MED12: variants seen among roughly 807,000 people sequenced by gnomAD.
The protein encoded by MED12 is mediator of RNA polymerase II transcription subunit 12.
In MED12, 10 loss-of-function variants were observed where a neutral mutation model predicts 177.7. The ratio of observed to expected loss-of-function variants is 0.06; its 90% CI spans 0.03 to 0.10. The LOEUF (loss-of-function observed/expected upper bound fraction) is 0.10, where lower values mean the gene tolerates loss of function less well. Among genes scored for constraint, MED12 ranks in the 10% least tolerant of loss-of-function variants. The pLI is 1.00. For synonymous variants in MED12, 641 were observed against 678.4 expected (o/e 0.94, Z 0.86); for missense variants, 867 against 1,780.8 (o/e 0.49, Z 9.23).
Position 71,132,567 on chromosome X carries a change from T to C in MED12, c.4415+29T>C, listed in dbSNP as rs10521349. 331,045 of 1,162,723 alleles carry C rather than the reference T, an allele frequency of 0.28. 35,570 individuals carry two copies. Among genetic ancestry groups the C allele is most frequent in the Middle Eastern group, 0.41 (1,704 of 4,117 alleles). The stretch of plus-strand genomic sequence containing the variant: ...AAGGGGCTTAGGGAGTGGACCAAGA[T>C]TGAGGGGTAGAAAGGAGAAGAGGCA... On this transcript the variant is annotated intron_variant, in intron 31 of 44. Coordinates refer to ENST00000374080, the MANE Select transcript of MED12 (RefSeq NM_005120.3).
intron 1 of MED12, 61 bp from the exon 2 acceptor site, chrX:71,119,312 C>T (rs1328217385): frequency 1.2e-6 from 1 of 842,391 alleles, no homozygotes; most frequent in Admixed American, 2.6e-5. Flanking sequence ...CTGCCCTACT[C>T]TCCCACCCCT....
chrX:71,122,048 G>T, intron 7 of MED12, 152 bp from the exon 8 acceptor site: 1 of 878,142 alleles, frequency 1.1e-6, no homozygotes, highest in Non-Finnish European at 1.7e-6. Flanking sequence ...AGGAAAGTGA[G>T]TGAAGGGAGG....
chrX:71,126,382 T>G lies in MED12; in HGVS notation c.2583T>G (p.Leu861=). The stretch of plus-strand genomic sequence containing the variant: ...TGGAGCAGATCACGAGCTTTGCCCT[T>G]GGCATGTCATACCACTTGCCTCTGG... ...NVLEQITSFA[L]GMSYHLPLVQ... The change falls in exon 19 of 45, where the codon CTT becomes CTG. Residue 861 remains leucine, a synonymous_variant. Coordinates refer to ENST00000374080, the MANE Select transcript of MED12 (RefSeq NM_005120.3). 1 of 1,211,769 alleles carries G rather than the reference T, an allele frequency of 8.3e-7. No individual in the cohort carries two copies. Among genetic ancestry groups the G allele is most frequent in the Non-Finnish European group, 1.1e-6 (1 of 895,277 alleles).
chrX:71,118,690 C>T lies in MED12; in HGVS notation c.-65C>T. 4.6e-6 allele frequency: 5 copies of T among 1,080,690 alleles called. No homozygotes were observed. In the South Asian group the frequency reaches 7.8e-5, roughly 17 times the overall value. The allele number at this position is 1,080,690 out of a possible 1,213,427, so 89.1% of individuals were successfully genotyped here. On this transcript the variant is annotated 5_prime_UTR_variant, in exon 1 of 45. Coordinates refer to ENST00000374080, the MANE Select transcript of MED12 (RefSeq NM_005120.3). ...ACCGCCCCCCTTTTCGGCTCCCTCT[C>T]CCCCTTCCCGTTCCCCCAGTCAGCC...
chrX:71,121,534 A>C (rs751970722), intron 6 of MED12, 28 bp from the exon 7 acceptor site: 3 of 1,209,428 alleles, frequency 2.5e-6, no homozygotes, highest in Non-Finnish European at 3.4e-6. Flanking sequence ...GGAGAGAACT[A>C]GGGGCTCTGA....
At position 71,131,589 on chromosome X, in the gene MED12, C is replaced by T. The variant is rs2092317602; in HGVS notation, c.4087C>T (p.Leu1363=). The T allele has an allele frequency of 8.3e-6, 10 of 1,211,171 alleles. No individual in the cohort carries two copies. The highest frequency in any genetic ancestry group is 1.0e-5 in the Non-Finnish European group (9 of 895,322). Residue 1363 remains leucine (L), a synonymous_variant, in exon 29 of 45, where the codon CTG becomes TTG. Transcript: ENST00000374080. ...QWTMRQSSLE[L]QLMIKQTPNN... The stretch of plus-strand genomic sequence containing the variant: ...GACCATGCGCCAGTCTTCCTTGGAG[C>T]TGCAGCTCATGATCAAGCAGACCCC...
intron 39 of MED12, 86 bp downstream of exon 39, chrX:71,137,469 T>C (rs2092335596): frequency 1.7e-6 from 2 of 1,156,692 alleles, no homozygotes; most frequent in Non-Finnish European, 2.4e-6. Context: ...ACTTGGGATC[T>C]TCACAAGGAC....
At position 71,123,586 on chromosome X, in the gene MED12, T is replaced by C. The variant is rs1057522084; in HGVS notation, c.1618-8T>C. 1 of 1,211,309 alleles carries C rather than the reference T, an allele frequency of 8.3e-7. No homozygotes were observed. The highest frequency in any genetic ancestry group is 1.1e-6 in the Non-Finnish European group (1 of 895,265). Reference sequence around the variant, plus strand: ...GTCAGTTCTACAATTTGTTCTGTCATCTTGCAGCGTTGTGGAGAATCAGAA... The same window carrying C: ...GTCAGTTCTACAATTTGTTCTGTCACCTTGCAGCGTTGTGGAGAATCAGAA... On this transcript the variant is annotated splice_region_variant and splice_polypyrimidine_tract_variant and intron_variant, in intron 11 of 44. Coordinates refer to ENST00000374080, the MANE Select transcript of MED12 (RefSeq NM_005120.3).
intron 36 of MED12, 148 bp from the exon 37 acceptor site, chrX:71,136,133 T>C: frequency 1.5e-6 from 1 of 663,910 alleles, no homozygotes. Flanking sequence ...CTCTTCCGCA[T>C]GTATATGTGT....
At chrX:71,123,828 C>A in intron 12 of MED12, 108 bp downstream of exon 12, 1 of 867,852 alleles carries the variant, frequency 1.2e-6, no homozygotes, top group Non-Finnish European at 1.6e-6. Flanking sequence ...CTCTCTTGGG[C>A]TCTATGCAGA....
At position 71,132,974 on chromosome X, in the gene MED12, A is replaced by T. The variant is rs372687896; in HGVS notation, c.4527+18A>T. 6.1e-6 allele frequency: 7 copies of T among 1,143,476 alleles called. No individual in the cohort carries two copies. The highest frequency in any genetic ancestry group is 1.8e-5 in the African/African-American group (1 of 55,664). The allele number at this position is 1,143,476 out of a possible 1,213,427, so 94.2% of individuals were successfully genotyped here. A position where few individuals can be genotyped will look rare whatever the true frequency, so the allele number is the denominator to read the frequency against. On this transcript the variant is annotated intron_variant, in intron 32 of 44. Coordinates refer to ENST00000374080, the MANE Select transcript of MED12 (RefSeq NM_005120.3). ...TGCACCAGGTACAGATCTCTGGGCCATGGAGGTGGGCAGGAGGTCAGGGAA... is the reference window on the plus strand; with the variant it reads ...TGCACCAGGTACAGATCTCTGGGCCTTGGAGGTGGGCAGGAGGTCAGGGAA...
chrX:71,124,370 C>T lies in MED12; in HGVS notation c.1956C>T (p.Ser652=), dbSNP rs199873151. The T allele has an allele frequency of 5.0e-6, 6 of 1,201,004 alleles. No individual in the cohort carries two copies. In the African/African-American group the frequency reaches 8.8e-5, roughly 18 times the overall value. Residue 652 remains serine, a synonymous_variant, in exon 13 of 45, where the codon AGC becomes AGT. Transcript: ENST00000374080. ...CAGAGCACAAGGAGGCTGAAGGCAG[C>T]AGCAGCAGCAAGCTGGAAGTGAGTG... ...DDPEHKEAEG[S]SSSKLEDPGL...
At position 71,125,424 on chromosome X, in the gene MED12, C is replaced by T. The variant is rs2147793026; in HGVS notation, c.2300C>T (p.Ala767Val). The change falls in exon 16 of 45, where the codon GCC (alanine) becomes GTC (valine). Residue 767 changes from alanine to valine, a missense_variant. Coordinates refer to ENST00000374080, the MANE Select transcript of MED12 (RefSeq NM_005120.3). ...LFGVGKQRDD[A>V]RHAIKKITKD... is the part of the protein sequence containing the mutation. Reference sequence around the variant, plus strand: ...GGGGTGGGAAAGCAGCGAGATGATGCCCGCCATGCCATCAAGAAAATCACC... The same window carrying T: ...GGGGTGGGAAAGCAGCGAGATGATGTCCGCCATGCCATCAAGAAAATCACC... The T allele has an allele frequency of 5.8e-6, 7 of 1,209,695 alleles. No homozygotes were observed. The East Asian group carries it at 2.1e-4, about 36-fold the overall frequency.
At chrX:71,127,676 T>A in intron 21 of MED12, 1 of 478,949 alleles carries the variant, frequency 2.1e-6, no homozygotes, top group East Asian at 3.6e-5. Flanking sequence ...GGGCCCACCC[T>A]CTTCCCCCTT....
chrX:71,120,819 A>T, intron 4 of MED12, 152 bp from the exon 5 acceptor site: 1 of 611,009 alleles, frequency 1.6e-6, no homozygotes, highest in African/African-American at 2.2e-5. Flanking sequence ...CATCTTGGCC[A>T]GGCTGGTCTC....
At chrX:71,123,469 C>G in intron 11 of MED12, 125 bp from the exon 12 acceptor site, 1 of 877,617 alleles carries the variant, frequency 1.1e-6, no homozygotes, top group Non-Finnish European at 1.7e-6. Flanking sequence ...ACATGGAGGT[C>G]AGCAGGGGAA....
At chrX:71,119,585 C>G in intron 2 of MED12, 101 bp from the exon 3 acceptor site, 2 of 1,097,164 alleles carry the variant, frequency 1.8e-6, no homozygotes, top group Non-Finnish European at 2.5e-6. Context: ...CTGAGTTTGC[C>G]TTCATGACCT....
At chrX:71,123,569 T>C (rs376460876) in intron 11 of MED12, 25 bp from the exon 12 acceptor site, 230 of 1,208,901 alleles carry the variant, frequency 1.9e-4, no homozygotes, top group Admixed American at 2.4e-4. Flanking sequence ...AAGTCAGTTC[T>C]ACAATTTGTT....
At chrX:71,141,148 C>T (rs995572559) in intron 42 of MED12, 82 bp from the exon 43 acceptor site, 1 of 1,163,722 alleles carries the variant, frequency 8.6e-7, no homozygotes, top group Non-Finnish European at 1.1e-6. Flanking sequence ...CCTGCTTCCT[C>T]ATCCCCTGCC....
Sources: allele counts gnomAD v4.1 joint callset, GRCh38; gene constraint gnomAD v4.1.1; transcripts MANE v1.5; gene names NCBI Gene and HGNC (gene_info 2026-07-23, HGNC 2026-07-21).